SEMA3D: variants seen among roughly 807,000 people sequenced by gnomAD.
The protein encoded by SEMA3D is semaphorin 3D, also known as semaphorin-3D.
A neutral mutation model predicts 100.1 loss-of-function variants in SEMA3D; 84 were observed. That is an observed-to-expected ratio of 0.84 (90% CI 0.70 to 1.01). The LOEUF (loss-of-function observed/expected upper bound fraction) is 1.01. Ranked by LOEUF, SEMA3D falls within the 50% of genes least tolerant of loss-of-function variation. The pLI, the probability that SEMA3D is intolerant of heterozygous loss-of-function variation, is 0.00. For missense variants in SEMA3D, 875 were observed against 934.1 expected, an observed-to-expected ratio of 0.94 and a Z score of 0.82; for synonymous variants, 312 against 320.7, an observed-to-expected ratio of 0.97 and a Z score of 0.29.
chr7:85,081,840 G>A (rs1302115174), intron 4 of SEMA3D, among the ~76,000 whole-genome samples: 1 of 152,162 alleles, frequency 6.6e-6, no homozygotes, highest in Non-Finnish European at 1.5e-5. Flanking sequence ...ATTATGTTCA[G>A]AGGTCCATAA....
chr7:85,198,295 C>A, the SEMA3D span, among the ~76,000 whole-genome samples: 1 of 151,950 alleles, frequency 6.6e-6, no homozygotes, highest in Non-Finnish European at 1.5e-5. Context: ...ATAAGTAAGG[C>A]TTTTCTTTCA....
chr7:85,074,313 G>A (rs1183946823), intron 5 of SEMA3D, among the ~76,000 whole-genome samples: 3 of 151,980 alleles, frequency 2.0e-5, no homozygotes, highest in African/African-American at 7.3e-5. Flanking sequence ...TGTTGCTGTT[G>A]GGGTTCCTAG....
chr7:85,153,984 A>G (rs1348865547), intron 1 of SEMA3D, among the ~76,000 whole-genome samples: 1 of 152,148 alleles, frequency 6.6e-6, no homozygotes. Context: ...TACTCAGTCT[A>G]CCAATTCACA....
chr7:85,247,116 A>T, the SEMA3D span, among the ~76,000 whole-genome samples: 13 of 152,052 alleles, frequency 8.5e-5, no homozygotes, highest in African/African-American at 2.4e-4. Context: ...AACTTACTAA[A>T]AATTTTCTGT....
chr7:85,113,736 A>G (rs2116374394), intron 3 of SEMA3D, among the ~76,000 whole-genome samples: 1 of 151,018 alleles, frequency 6.6e-6, no homozygotes, highest in East Asian at 2.0e-4. Context: ...GTGCCACTGC[A>G]CTCCAGCCTG....
At chr7:85,101,204 T>C (rs1367076677) in intron 3 of SEMA3D, among the ~76,000 whole-genome samples, 3 of 152,050 alleles carry the variant, frequency 2.0e-5, no homozygotes, top group Admixed American at 6.6e-5. Flanking sequence ...ATGTCTTCCA[T>C]GCAATTTCCC....
At chr7:85,062,060 A>G (rs947417677) in intron 8 of SEMA3D, among the ~76,000 whole-genome samples, 10 of 152,186 alleles carry the variant, frequency 6.6e-5, no homozygotes, top group African/African-American at 2.4e-4. Flanking sequence ...AAAAGAGCAG[A>G]TTTTGAGCCG....
At chr7:85,050,892 A>G (rs1791145353) in intron 9 of SEMA3D, 1 of 390,262 alleles carries the variant, frequency 2.6e-6, no homozygotes, top group East Asian at 3.7e-5. Context: ...AACTTCTTCC[A>G]TTCCTAAGCA....
intron 1 of SEMA3D, among the ~76,000 whole-genome samples, chr7:85,173,674 AAC>A (rs1181155617): frequency 2.0e-5 from 3 of 152,182 alleles, no homozygotes; most frequent in Admixed American, 6.5e-5. Context: ...CAGCTATTGT[AAC>A]ACATCATATA....
Position 85,097,866 on chromosome 7 carries a change from A to C in SEMA3D, c.251T>G (p.Leu84Trp). 1.9e-6 allele frequency: 3 copies of C among 1,609,814 alleles called. No homozygotes were observed. The highest frequency in any genetic ancestry group is 2.5e-6 in the Non-Finnish European group (3 of 1,176,982). ...LLDEERGRLL[L>W]GAKDHIFLLS... ...TAGAAAGATGTGGTCTTTGGCTCCC[A>C]AGAGCAGCCTGCCTCTTTCCTCATC... The change falls in exon 4 of 19, where the codon TTG becomes TGG. Residue 84 changes from leucine (L) to tryptophan (W), a missense_variant. Physicochemically the swap from Leu to Trp is moderately conservative, Grantham distance 61 (BLOSUM62 -2). Coordinates refer to ENST00000284136, the MANE Select transcript of SEMA3D (RefSeq NM_001384900.1).
At chr7:85,222,709 T>C in the SEMA3D span, among the ~76,000 whole-genome samples, 4 of 152,124 alleles carry the variant, frequency 2.6e-5, no homozygotes, top group Non-Finnish European at 4.4e-5. Flanking sequence ...GATACTATAC[T>C]GTACTAGGAG....
chr7:85,073,636 T>C (rs1017495755), intron 5 of SEMA3D, among the ~76,000 whole-genome samples: 1 of 152,186 alleles, frequency 6.6e-6, no homozygotes, highest in Non-Finnish European at 1.5e-5. Context: ...ATATAGTTAC[T>C]ACTGTTTGCA....
chr7:85,068,064 T>C (rs528165833), intron 7 of SEMA3D, 127 bp downstream of exon 7: 2 of 625,012 alleles, frequency 3.2e-6, no homozygotes, highest in African/African-American at 1.8e-5. Flanking sequence ...ACTAAAATAA[T>C]GGAAACAAAT....
rs577951548 is a variant in SEMA3D at position 85,147,057 on chromosome 7, T to G, written c.-41+6551A>C. Among the ~76,000 whole-genome samples, 11 of 151,488 alleles carry G rather than the reference T, an allele frequency of 7.3e-5. No individual in the cohort carries two copies. In the South Asian group the frequency reaches 1.7e-3, roughly 23 times the overall value. On this transcript the variant is annotated intron_variant, in intron 2 of 18. Coordinates refer to ENST00000284136, the MANE Select transcript of SEMA3D (RefSeq NM_001384900.1). ...ACAGTTCTAGTCACAGAAGTGGAAT[T>G]TTCTGTCCATCTTTCTTTCTTTTCT...
intron 12 of SEMA3D, among the ~76,000 whole-genome samples, chr7:85,033,858 TACACACACACACAC>T (rs71082183): frequency 7.1e-6 from 1 of 141,096 alleles, no homozygotes; most frequent in East Asian, 2.1e-4. Context: ...ATCACACACA[TACACACACACACAC>T]ACACACACAC....
intron 3 of SEMA3D, among the ~76,000 whole-genome samples, chr7:85,102,945 C>T (rs1311231052): frequency 6.6e-6 from 1 of 152,024 alleles, no homozygotes; most frequent in Non-Finnish European, 1.5e-5. Context: ...ATTATCATTT[C>T]CAAATGATTT....
chr7:85,241,479 A>G, the SEMA3D span, among the ~76,000 whole-genome samples: 27 of 136,742 alleles, frequency 2.0e-4, 1 homozygote, highest in East Asian at 5.0e-3. Flanking sequence ...ATATATATAT[A>G]TATATATATA....
chr7:85,044,840 C>T (rs1790962112), intron 9 of SEMA3D, among the ~76,000 whole-genome samples: 1 of 151,980 alleles, frequency 6.6e-6, no homozygotes, highest in African/African-American at 2.4e-5. Flanking sequence ...ATAAAAAGCA[C>T]AATAATTTTT....
chr7:85,062,715 T>G (rs968277157), intron 8 of SEMA3D, among the ~76,000 whole-genome samples: 1 of 152,190 alleles, frequency 6.6e-6, no homozygotes, highest in African/African-American at 2.4e-5. Flanking sequence ...TTACATATCT[T>G]GATTTTTATA....
Sources: gnomAD v4.1 joint callset for allele counts (sites outside exome capture counted in the v4.1 genomes callset) on GRCh38, gnomAD v4.1.1 for gene constraint, MANE v1.5 for transcripts, NCBI Gene and HGNC (gene_info 2026-07-23, HGNC 2026-07-21) for gene names.